The following BTN2A2 variants were observed in gnomAD, a reference collection of about 807,000 sequenced individuals.
BTN2A2 encodes butyrophilin subfamily 2 member A2.
A neutral mutation model predicts 34.7 loss-of-function variants in BTN2A2; 29 were observed. That is an observed-to-expected ratio of 0.84 (90% CI 0.62 to 1.14). BTN2A2 has a LOEUF of 1.14. Among genes scored for constraint, BTN2A2 ranks in the 50% most tolerant of loss-of-function variants. BTN2A2 has a pLI of 0.00. For synonymous variants in BTN2A2, 240 were observed against 253.1 expected (o/e 0.95, Z 0.49); for missense variants, 612 against 651.5 (o/e 0.94, Z 0.66).
At position 26,390,188 on chromosome 6, in the gene BTN2A2, A is replaced by G; in HGVS notation, c.908A>G (p.Glu303Gly). 1 of 1,614,118 alleles carries G rather than the reference A, an allele frequency of 6.2e-7. No individual in the cohort carries two copies. The highest frequency in any genetic ancestry group is 8.5e-7 in the Non-Finnish European group (1 of 1,179,996). The change falls in exon 5 of 8, where the codon GAA (glutamate) becomes GGA (glycine). Residue 303 changes from glutamate (E) to glycine (G), a missense_variant. Transcript: ENST00000356709. ...ATTCTGTCAGGGGAAAAGAAAGTTG[A>G]ACAAGAGGAAAAAGAAATTGCACGT... ...KKILSGEKKV[E>G]QEEKEIAQQL...
In BTN2A2 at chr6:26,388,186, A is replaced by G. The variant is rs778014794; in HGVS notation, c.616A>G (p.Met206Val). The G allele has an allele frequency of 4.3e-6, 7 of 1,614,050 alleles. No homozygotes were observed. The African/African-American group carries it at 5.3e-5, about 12-fold the overall frequency. Residue 206 changes from methionine (M) to valine (V), a missense_variant, in exon 4 of 8, where the codon ATG becomes GTG. Transcript: ENST00000356709. ...CATCGCTGATGCTGACGGCCTCTTC[A>G]TGGTCACCACAGCTGTGATCATCAG... ...VSIADADGLF[M>V]VTTAVIIRDK...
rs1165465672 is a variant in BTN2A2, at chr6:26,393,914, T to A, written c.*947T>A. On this transcript the variant is annotated 3_prime_UTR_variant, in exon 8 of 8. Transcript: ENST00000356709. ...TTTATGTTAAAATAGCATTAATAAA[T>A]CAGTTATAGGTTAATGTAGATAGGA... 3 of 351,398 alleles carry A rather than the reference T, an allele frequency of 8.5e-6. 1 individual carries two copies. The Admixed American group carries it at 1.8e-4, about 22-fold the overall frequency. The allele number at this position is 351,398 out of a possible 1,614,324, so 21.8% of individuals were successfully genotyped here. A position where few individuals can be genotyped will look rare whatever the true frequency, so the allele number is the denominator to read the frequency against.
At chr6:26,392,046 T>A in intron 7 of BTN2A2, 2 of 659,230 alleles carry the variant, frequency 3.0e-6, no homozygotes, top group Non-Finnish European at 5.1e-6. Flanking sequence ...GTCCCAGAGA[T>A]CATATATCTT....
Position 26,390,221 on chromosome 6 carries a change from T to G in BTN2A2, c.931+10T>G, listed in dbSNP as rs182149031. 1 of 1,611,630 alleles carries G rather than the reference T, an allele frequency of 6.2e-7. No homozygotes were observed. On this transcript the variant is annotated intron_variant, in intron 5 of 7. Coordinates refer to ENST00000356709, the MANE Select transcript of BTN2A2 (RefSeq NM_006995.5). The stretch of plus-strand genomic sequence containing the variant: ...GAAAAAGAAATTGCACGTAAGGAAT[T>G]TGTAAAGAAAGTGTGGAAAAATAGA...
At chr6:26,389,668 A>G (rs1316115207) in intron 4 of BTN2A2, among the ~76,000 whole-genome samples, 1 of 152,234 alleles carries the variant, frequency 6.6e-6, no homozygotes. Flanking sequence ...ATAGAGCAGA[A>G]CAAGAAGGAG....
intron 3 of BTN2A2, 63 bp downstream of exon 3, chr6:26,385,425 C>G (rs1237157313): frequency 5.4e-6 from 8 of 1,482,632 alleles, no homozygotes; most frequent in Non-Finnish European, 7.3e-6. Flanking sequence ...AAGTTTCTCC[C>G]TTAACCTCAG....
rs772146273 is a variant in BTN2A2, at chr6:26,388,027, C to T, written c.457C>T (p.Pro153Ser). The T allele has an allele frequency of 6.2e-7, 1 of 1,613,490 alleles. No individual in the cohort carries two copies. The highest frequency in any genetic ancestry group is 8.5e-7 in the Non-Finnish European group (1 of 1,179,526). The change falls in exon 4 of 8, where the codon CCC becomes TCC. Residue 153 changes from proline to serine, a missense_variant. By Grantham distance (74) the Pro-to-Ser change is moderately conservative. Transcript: ENST00000356709. ...TCCCTTTCCAGGCCTTGGGTCTAAG[C>T]CCCTCATTGAAATCAAGGCCCAAGA... Reference protein sequence around the residue: ...RLVVAGLGSKPLIEIKAQEDG... With the variant: ...RLVVAGLGSKSLIEIKAQEDG...
chr6:26,389,266 CA>C (rs1761417424), intron 4 of BTN2A2, among the ~76,000 whole-genome samples: 1 of 151,982 alleles, frequency 6.6e-6, no homozygotes. Flanking sequence ...TAGAGAGTTC[CA>C]GGGGTGTGAG....
Position 26,394,638 on chromosome 6 carries a change from A to G in BTN2A2, c.*1671A>G. 6.1e-6 allele frequency: 2 copies of G among 326,374 alleles called. No individual in the cohort carries two copies. 20.2% of individuals were successfully genotyped at this position (326,374 alleles called of 1,614,324 possible). On this transcript the variant is annotated 3_prime_UTR_variant, in exon 8 of 8. Coordinates refer to ENST00000356709, the MANE Select transcript of BTN2A2 (RefSeq NM_006995.5). ...GCTTCCCTGGTTCTGAGGCTTTCAG[A>G]CTTAAACTGAGCCATGCTACCAGCA...
chr6:26,388,325 G>A (rs774800399), intron 4 of BTN2A2, 31 bp downstream of exon 4: 51 of 1,608,048 alleles, frequency 3.2e-5, no homozygotes, highest in East Asian at 2.0e-4. Context: ...GACCTATCAA[G>A]TGTATGCAGG....
Position 26,385,346 on chromosome 6 carries a change from A to G in BTN2A2, c.426A>G (p.Leu142=), listed in dbSNP as rs745748386. Residue 142 remains leucine (L), a synonymous_variant, in exon 3 of 8, where the codon CTA becomes CTG. Transcript: ENST00000356709. ...GCAGGTCCTACGATGAGGCCATCCT[A>G]CGCCTCGTGGTGGCAGGTGCATCAC... is the stretch of plus-strand genomic sequence containing the variant. The part of the protein sequence containing the change: ...QEGRSYDEAI[L]RLVVAGLGSK... 1.5e-5 allele frequency: 24 copies of G among 1,612,790 alleles called. No homozygotes were observed. Among genetic ancestry groups the G allele is most frequent in the East Asian group, 2.2e-5 (1 of 44,852 alleles).
intron 3 of BTN2A2, chr6:26,385,588 T>C (rs1761145460): frequency 4.0e-6 from 2 of 494,748 alleles, no homozygotes; most frequent in Non-Finnish European, 7.2e-6. Flanking sequence ...TCTTGCTATG[T>C]TGCCCAGGCT....
rs1761087299 is a variant in BTN2A2 at position 26,384,932 on chromosome 6, GTTTGTTTTTGTTTTTTGTTT to G, written c.95-74_95-55del. The G allele has an allele frequency of 7.3e-7, 1 of 1,370,092 alleles. No homozygotes were observed. The highest frequency in any genetic ancestry group is 1.9e-5 in the African/African-American group (1 of 53,390). 84.9% of individuals were successfully genotyped at this position (1,370,092 alleles called of 1,614,324 possible). A position where few individuals can be genotyped will look rare whatever the true frequency, so the allele number is the denominator to read the frequency against. The stretch of plus-strand genomic sequence containing the variant: ...TTCATCCCTGGAGTTTTTTTTGTTT[GTTTGTTTTTGTTTTTTGTTT>G]TTTGTTTTGCCTTAGAGTTGTGATA... On this transcript the variant is annotated intron_variant, in intron 2 of 7. Transcript: ENST00000356709. This position sits in a 1 kb window ranked among gnomAD's most constrained non-coding sequence, Gnocchi z 4.0.
Position 26,388,309 on chromosome 6 carries a change from C to G in BTN2A2, c.724+15C>G. The G allele has an allele frequency of 1.9e-6, 3 of 1,612,796 alleles. No homozygotes were observed. Among genetic ancestry groups the G allele is most frequent in the African/African-American group, 1.3e-5 (1 of 75,004 alleles). On this transcript the variant is annotated intron_variant, in intron 4 of 7. Coordinates refer to ENST00000356709, the MANE Select transcript of BTN2A2 (RefSeq NM_006995.5). ...TTTTATTCCAGGTTAGTTCTCTGCC[C>G]TCTGAGACCTATCAAGTGTATGCAG...
At position 26,383,348 on chromosome 6, in the gene BTN2A2, G is replaced by A. The variant is rs1198739673; in HGVS notation, c.-31+167G>A. 1 of 171,242 alleles carries A rather than the reference G, an allele frequency of 5.8e-6. No individual in the cohort carries two copies. Among genetic ancestry groups the A allele is most frequent in the East Asian group, 1.8e-4 (1 of 5,576 alleles). 10.6% of individuals were successfully genotyped at this position (171,242 alleles called of 1,614,324 possible). A position where few individuals can be genotyped will look rare whatever the true frequency, so the allele number is the denominator to read the frequency against. On this transcript the variant is annotated intron_variant, in intron 1 of 7. Transcript: ENST00000356709. This position sits in a 1 kb window ranked among gnomAD's most constrained non-coding sequence, Gnocchi z 4.4. Reference sequence around the variant, plus strand: ...GGAGAGGAGGCGCTACAGCTCCGGGGTGGGGGCGGTAGCTGGGGGCGGTAG... The same window carrying A: ...GGAGAGGAGGCGCTACAGCTCCGGGATGGGGGCGGTAGCTGGGGGCGGTAG...
At chr6:26,391,487 GC>G (rs1488090729) in intron 7 of BTN2A2, 1 of 153,854 alleles carries the variant, frequency 6.5e-6, no homozygotes, top group Non-Finnish European at 1.4e-5. Flanking sequence ...AGATACCAGG[GC>G]CCATGGACCT....
rs1166317182 is a variant in BTN2A2 at position 26,383,378 on chromosome 6, G to C, written c.-31+197G>C. The stretch of plus-strand genomic sequence containing the variant: ...GGCGGTAGCTGGGGGCGGTAGGTGC[G>C]GGGAGCGGGATCTGCTCTGGAGAGG... On this transcript the variant is annotated intron_variant, in intron 1 of 7. Coordinates refer to ENST00000356709, the MANE Select transcript of BTN2A2 (RefSeq NM_006995.5). This position sits in a 1 kb window ranked among gnomAD's most constrained non-coding sequence, Gnocchi z 4.4. 5.9e-6 allele frequency: 1 copy of C among 168,360 alleles called. No individual in the cohort carries two copies. Among genetic ancestry groups the C allele is most frequent in the African/African-American group, 2.4e-5 (1 of 41,670 alleles). 10.4% of individuals were successfully genotyped at this position (168,360 alleles called of 1,614,324 possible).
Position 26,392,607 on chromosome 6 carries a change from G to A in BTN2A2, c.1212G>A (p.Glu404=), listed in dbSNP as rs1196026177. 2 of 1,614,098 alleles carry A rather than the reference G, an allele frequency of 1.2e-6. No homozygotes were observed. Among genetic ancestry groups the A allele is most frequent in the Non-Finnish European group, 1.7e-6 (2 of 1,180,036 alleles). ...WTVGVCRHSV[E]RKGEVLLIPQ... is the part of the protein sequence containing the mutation. ...TGGGGGTCTGCAGACACAGTGTTGA[G>A]AGGAAAGGGGAGGTCCTGCTGATTC... Residue 404 remains glutamate, a synonymous_variant, in exon 8 of 8, where the codon GAG becomes GAA. Transcript: ENST00000356709.
intron 7 of BTN2A2, chr6:26,392,109 AT>A: frequency 1.0e-6 from 1 of 988,628 alleles, no homozygotes; most frequent in Non-Finnish European, 1.5e-6. Context: ...GGAACCATTA[AT>A]TTTGGCTCAT....
Sources: gnomAD v4.1 joint callset for allele counts (sites outside exome capture counted in the v4.1 genomes callset) on GRCh38, gnomAD v4.1.1 for gene constraint, Gnocchi (gnomAD v3.1) non-coding constraint, MANE v1.5 for transcripts, NCBI Gene and HGNC (gene_info 2026-07-23, HGNC 2026-07-21) for gene names.